FAM216A: variants seen among roughly 807,000 people sequenced by gnomAD.
The protein encoded by FAM216A is protein FAM216A.
Under a neutral mutation model 37.6 loss-of-function variants are expected in FAM216A, and 26 were observed. That is an observed-to-expected ratio of 0.69 (90% CI 0.51 to 0.96). The LOEUF is 0.96. FAM216A is among the 40% of genes least tolerant of loss of function. The probability of loss-of-function intolerance (pLI) is 0.00; values close to 1 mark genes in which losing one functional copy is unlikely to be tolerated. For synonymous variants in FAM216A, 110 were observed against 121.7 expected (o/e 0.90, Z 0.64); for missense variants, 326 against 339.3 (o/e 0.96, Z 0.31).
intron 1 of FAM216A, among the ~76,000 whole-genome samples, chr12:110,470,455 G>C (rs2062678711): frequency 6.7e-6 from 1 of 150,302 alleles, no homozygotes; most frequent in Non-Finnish European, 1.5e-5. Context: ...CAGGATCCTG[G>C]TGTATCAGGA....
At chr12:110,487,330 T>A (rs1163970450) in intron 5 of FAM216A, 1 of 152,772 alleles carries the variant, frequency 6.5e-6, no homozygotes, top group Non-Finnish European at 1.5e-5. Flanking sequence ...AGACGGGGTT[T>A]CTCCATGTTG....
At chr12:110,470,671 G>A (rs1017620185) in intron 1 of FAM216A, among the ~76,000 whole-genome samples, 2 of 151,898 alleles carry the variant, frequency 1.3e-5, no homozygotes, top group African/African-American at 4.8e-5. Flanking sequence ...GTAGAGATGG[G>A]CATGAGCCTG....
rs1477601438 is a variant in FAM216A at position 110,469,038 on chromosome 12, G to A, written c.143+20G>A. 2 of 1,437,924 alleles carry A rather than the reference G, an allele frequency of 1.4e-6. No individual in the cohort carries two copies. The highest frequency in any genetic ancestry group is 2.7e-5 in the East Asian group (1 of 36,466). 89.1% of individuals were successfully genotyped at this position (1,437,924 alleles called of 1,614,324 possible). A position where few individuals can be genotyped will look rare whatever the true frequency, so the allele number is the denominator to read the frequency against. On this transcript the variant is annotated intron_variant, in intron 1 of 6. Coordinates refer to ENST00000377673, the MANE Select transcript of FAM216A (RefSeq NM_013300.3). ...CGGCGGGTGAGGTTGGGGGCCCCGG[G>A]GTAAGGGTGGCAGCATGGGGCCCCC...
At chr12:110,487,574 A>C (rs2062784287) in intron 5 of FAM216A, 2 of 308,180 alleles carry the variant, frequency 6.5e-6, no homozygotes, top group South Asian at 9.9e-5. Flanking sequence ...ATTCCCACTC[A>C]ACCTCAAAAT....
At chr12:110,487,349 GGTC>G (rs2062783128) in intron 5 of FAM216A, 1 of 153,054 alleles carries the variant, frequency 6.5e-6, no homozygotes, top group South Asian at 2.0e-4. Context: ...TGGTCAGGCT[GGTC>G]TTGAACCCCC....
chr12:110,487,807 C>A, intron 5 of FAM216A, 54 bp from the exon 6 acceptor site: 5 of 1,076,966 alleles, frequency 4.6e-6, no homozygotes, highest in Non-Finnish European at 7.1e-6. Flanking sequence ...TCCACATGCC[C>A]TAGGCAGCTG....
At position 110,469,855 on chromosome 12, in the gene FAM216A, C is replaced by T. The variant is rs563565078; in HGVS notation, c.143+837C>T. 3.9e-5 allele frequency among the ~76,000 whole-genome samples: 6 copies of T among 152,196 alleles called. No homozygotes were observed. The East Asian group carries it at 1.2e-3, about 29-fold the overall frequency. ...CCAATGAGACCAATGACTGAATATC[C>T]GAGGTGCCTTGATCTTGACATTTTC... On this transcript the variant is annotated intron_variant, in intron 1 of 6. Coordinates refer to ENST00000377673, the MANE Select transcript of FAM216A (RefSeq NM_013300.3).
intron 1 of FAM216A, 156 bp downstream of exon 1, chr12:110,469,174 T>C: frequency 1.1e-6 from 1 of 893,930 alleles, no homozygotes; most frequent in Non-Finnish European, 1.6e-6. Context: ...GCAGTTTTGT[T>C]GTGGACAGAG....
rs2062776851 is a variant in FAM216A, at chr12:110,486,418, T to C, written c.400T>C (p.Tyr134His). 6.2e-7 allele frequency: 1 copy of C among 1,613,890 alleles called. No homozygotes were observed. Reference sequence around the variant, plus strand: ...TCTGAAGATGTTAATGAAGAGGCAGTACATGCACGTACTTCAGCACAGCTC... The same window carrying C: ...TCTGAAGATGTTAATGAAGAGGCAGCACATGCACGTACTTCAGCACAGCTC... ...NYLKMLMKRQ[Y>H]MHVLQHSSQK... The change falls in exon 4 of 7, where the codon TAC becomes CAC. Residue 134 changes from tyrosine to histidine, a missense_variant. Physicochemically the swap from Tyr to His is moderately conservative, Grantham distance 83. Coordinates refer to ENST00000377673, the MANE Select transcript of FAM216A (RefSeq NM_013300.3).
rs1025303792 is a variant in FAM216A at position 110,473,127 on chromosome 12, T to C, written c.184+9T>C. The stretch of plus-strand genomic sequence containing the variant: ...GAATTCCAAAGGTTCTGGTGAGTAG[T>C]GCATATAAAGCAGATAATACTTATA... On this transcript the variant is annotated intron_variant, in intron 2 of 6. Transcript: ENST00000377673. 1 of 1,533,766 alleles carries C rather than the reference T, an allele frequency of 6.5e-7. No individual in the cohort carries two copies. Among genetic ancestry groups the C allele is most frequent in the Non-Finnish European group, 8.9e-7 (1 of 1,118,112 alleles).
Position 110,468,977 on chromosome 12 carries a change from A to G in FAM216A, c.102A>G (p.Ala34=), listed in dbSNP as rs1465222868. The part of the protein sequence containing the change: ...GSDWTERSSS[A]EPPAVAGTEG... ...ACTGGACGGAGCGTAGCTCTTCTGC[A>G]GAGCCGCCCGCTGTGGCCGGGACCG... The change falls in exon 1 of 7, where the codon GCA becomes GCG. Residue 34 remains alanine, a synonymous_variant. Transcript: ENST00000377673. 2.6e-6 allele frequency: 4 copies of G among 1,510,608 alleles called. No homozygotes were observed. In the African/African-American group the frequency reaches 5.6e-5, roughly 21 times the overall value. The allele number at this position is 1,510,608 out of a possible 1,614,324, so 93.6% of individuals were successfully genotyped here. A position where few individuals can be genotyped will look rare whatever the true frequency, so the allele number is the denominator to read the frequency against.
chr12:110,477,229 A>T (rs2062719253), intron 2 of FAM216A, among the ~76,000 whole-genome samples: 1 of 152,334 alleles, frequency 6.6e-6, no homozygotes, highest in Non-Finnish European at 1.5e-5. Flanking sequence ...GCCAGCTTTC[A>T]CCACTGTAAA....
chr12:110,470,485 T>A (rs2135538800), intron 1 of FAM216A, among the ~76,000 whole-genome samples: 1 of 150,970 alleles, frequency 6.6e-6, no homozygotes, highest in Admixed American at 6.6e-5. Context: ...ATTTTTTTTT[T>A]TTTTTTTATT....
chr12:110,469,246 G>C (rs563603802), intron 1 of FAM216A: 2 of 468,542 alleles, frequency 4.3e-6, no homozygotes, highest in East Asian at 7.2e-5. Flanking sequence ...TCGGAGGAGC[G>C]TTTGGTGCAG....
chr12:110,486,575 TCA>T lies in FAM216A; in HGVS notation c.481_482del (p.Gln161GlufsTer22), dbSNP rs1443311868. 6.2e-7 allele frequency: 1 copy of T among 1,614,016 alleles called. No homozygotes were observed. The highest frequency in any genetic ancestry group is 1.1e-5 in the South Asian group (1 of 91,070). On this transcript the variant is annotated frameshift_variant, in exon 5 of 7. Coordinates refer to ENST00000377673, the MANE Select transcript of FAM216A (RefSeq NM_013300.3). LOFTEE classifies it high-confidence loss of function. ...HHRSRLSSRY[S>X]QKQHYPCTTW... ...CAGAAGCCGCCTTAGCTCCCGTTAC[TCA>T]CAGAAACAGCATTACCCTTGCACTA... is the stretch of plus-strand genomic sequence containing the variant.
chr12:110,486,781 G>A, intron 5 of FAM216A, 64 bp downstream of exon 5: 1 of 1,449,786 alleles, frequency 6.9e-7, no homozygotes, highest in Non-Finnish European at 9.5e-7. Flanking sequence ...TTCTCAGACA[G>A]GGTTTTGTTC....
chr12:110,480,473 G>GA (rs1295214782), intron 2 of FAM216A, among the ~76,000 whole-genome samples: 1 of 151,678 alleles, frequency 6.6e-6, no homozygotes, highest in Non-Finnish European at 1.5e-5. Context: ...AAAGTGCTGG[G>GA]ATTAAAGGTG....
rs773518820 is a variant in FAM216A, at chr12:110,486,689, C to T, written c.592C>T (p.Leu198Phe). The stretch of plus-strand genomic sequence containing the variant: ...ACCTGAAATGCTCATACAGCATTCC[C>T]TTTGGCGGCCAGTGAGAAACAAAGA... ...SAPEMLIQHS[L>F]WRPVRNKEGI... Residue 198 changes from leucine to phenylalanine, a missense_variant, in exon 5 of 7, where the codon CTT (leucine) becomes TTT (phenylalanine). Physicochemically the swap from Leu to Phe is conservative, Grantham distance 22 (BLOSUM62 0). Coordinates refer to ENST00000377673, the MANE Select transcript of FAM216A (RefSeq NM_013300.3). The T allele has an allele frequency of 1.9e-6, 3 of 1,613,628 alleles. No homozygotes were observed. The South Asian group carries it at 3.3e-5, about 18-fold the overall frequency.
intron 6 of FAM216A, among the ~76,000 whole-genome samples, chr12:110,489,667 G>A (rs913391306): frequency 1.3e-5 from 2 of 152,110 alleles, no homozygotes; most frequent in Non-Finnish European, 2.9e-5. Context: ...GTAGGGGGGG[G>A]AGTCCCTGTG....
Sources: allele counts gnomAD v4.1 joint callset (sites outside exome capture counted in the v4.1 genomes callset), GRCh38; gene constraint gnomAD v4.1.1; transcripts MANE v1.5; gene names NCBI Gene and HGNC (gene_info 2026-07-23, HGNC 2026-07-21).